Variants in CLYBL observed in about 807,000 individuals in gnomAD.
CLYBL encodes citramalyl-CoA lyase, also known as citramalyl-CoA lyase, mitochondrial.
A neutral mutation model predicts 38.9 loss-of-function variants in CLYBL; 31 were observed. The observed-to-expected ratio is 0.80, with a 90% CI of 0.60 to 1.08. CLYBL has a LOEUF of 1.08. CLYBL is among the 50% of genes least tolerant of loss of function. The pLI is 0.00. For synonymous variants in CLYBL, 171 were observed against 158.6 expected, an observed-to-expected ratio of 1.08 and a Z score of -0.59; for missense variants, 434 against 411.6, an observed-to-expected ratio of 1.05 and a Z score of -0.47.
chr13:99,701,553 T>C (rs2048066277), intron 1 of CLYBL, among the ~76,000 whole-genome samples: 2 of 152,148 alleles, frequency 1.3e-5, no homozygotes, highest in Non-Finnish European at 1.5e-5. Context: ...CCTCGTGATC[T>C]GCCTGCCTCG....
chr13:99,753,675 G>A (rs756092243), intron 1 of CLYBL, among the ~76,000 whole-genome samples: 1 of 152,094 alleles, frequency 6.6e-6, no homozygotes, highest in Non-Finnish European at 1.5e-5. Flanking sequence ...TATTTTAGTG[G>A]CAATCTCTTT....
intron 1 of CLYBL, among the ~76,000 whole-genome samples, chr13:99,683,287 G>A (rs1321905137): frequency 6.7e-6 from 1 of 149,240 alleles, no homozygotes; most frequent in Non-Finnish European, 1.5e-5. Flanking sequence ...TCACCATTTT[G>A]GCCAGGCTGG....
chr13:99,675,315 A>ATATATGTATATACTT (rs2047627655), intron 1 of CLYBL, among the ~76,000 whole-genome samples: 1 of 99,186 alleles, frequency 1.0e-5, no homozygotes, highest in South Asian at 4.1e-4. Flanking sequence ...TGTATGCCCT[A>ATATATGTATATACTT]TATGTGTATA....
In CLYBL at chr13:99,666,527, ATTG is replaced by A. The variant is rs1237751696; in HGVS notation, c.62+59773_62+59775del. ...GTAGGTTTTTTCCCCCCTTTCTTAA[ATTG>A]TTATTTCGAGCCAGTCAGCCTACTG... On this transcript the variant is annotated intron_variant, in intron 1 of 8. Coordinates refer to ENST00000339105, the MANE Select transcript of CLYBL (RefSeq NM_206808.5). 4.6e-5 allele frequency among the ~76,000 whole-genome samples: 7 copies of A among 152,050 alleles called. No individual in the cohort carries two copies. In the South Asian group the frequency reaches 1.5e-3, roughly 32 times the overall value.
intron 1 of CLYBL, among the ~76,000 whole-genome samples, chr13:99,728,185 G>A (rs1453872589): frequency 3.3e-5 from 5 of 152,084 alleles, no homozygotes; most frequent in Non-Finnish European, 7.4e-5. Flanking sequence ...TGGTGGGGGG[G>A]ATTACAGGTG....
At chr13:99,665,284 GT>G (rs1211774416) in intron 1 of CLYBL, among the ~76,000 whole-genome samples, 1 of 151,632 alleles carries the variant, frequency 6.6e-6, no homozygotes, top group Non-Finnish European at 1.5e-5. Context: ...GCAGTCCAAA[GT>G]GCTAAAGGTT....
chr13:99,892,277 T>C (rs940303669), intron 8 of CLYBL, 166 bp from the exon 9 acceptor site: 6 of 152,222 alleles, frequency 3.9e-5, no homozygotes, highest in African/African-American at 1.4e-4. Flanking sequence ...ATGTGGCCCC[T>C]GCGAGATTTG....
At chr13:99,699,692 CA>C (rs543597111) in intron 1 of CLYBL, among the ~76,000 whole-genome samples, 31 of 108,470 alleles carry the variant, frequency 2.9e-4, no homozygotes, top group Admixed American at 3.6e-4. Context: ...GACTCCGTCT[CA>C]AAAAAAAAAA....
intron 2 of CLYBL, among the ~76,000 whole-genome samples, chr13:99,781,963 G>A (rs571735958): frequency 3.9e-5 from 6 of 152,198 alleles, no homozygotes; most frequent in Admixed American, 1.3e-4. Flanking sequence ...TATTTCTCTC[G>A]CACTGTATGC....
At chr13:99,783,448 T>C (rs1170447866) in intron 2 of CLYBL, among the ~76,000 whole-genome samples, 1 of 113,648 alleles carries the variant, frequency 8.8e-6, no homozygotes, top group Non-Finnish European at 1.7e-5. Flanking sequence ...ATAAATTCAG[T>C]ACTTTGGGGT....
At position 99,863,016 on chromosome 13, in the gene CLYBL, TA is replaced by T. The variant is rs1314883072; in HGVS notation, c.468del (p.Gly157AlafsTer8). The T allele has an allele frequency of 1.2e-6, 2 of 1,610,804 alleles. No individual in the cohort carries two copies. Among genetic ancestry groups the T allele is most frequent in the Non-Finnish European group, 8.5e-7 (1 of 1,178,400 alleles). ...QWFADKFSFH[L>X]KGRKLEQPMN... The stretch of plus-strand genomic sequence containing the variant: ...TTTGCAGACAAATTTTCATTCCACT[TA>T]AAAGGCCGAAAACTTGAACAACCAA... On this transcript the variant is annotated frameshift_variant, in exon 4 of 9. Coordinates refer to ENST00000339105, the MANE Select transcript of CLYBL (RefSeq NM_206808.5). LOFTEE classifies it high-confidence loss of function.
chr13:99,737,343 G>A (rs1225113213), intron 1 of CLYBL, among the ~76,000 whole-genome samples: 1 of 152,328 alleles, frequency 6.6e-6, no homozygotes, highest in Admixed American at 6.5e-5. Context: ...TGGGCTTCCT[G>A]TGCACGAGGT....
intron 2 of CLYBL, among the ~76,000 whole-genome samples, chr13:99,781,210 A>G (rs1423547661): frequency 1.3e-5 from 2 of 150,856 alleles, no homozygotes; most frequent in East Asian, 3.9e-4. Flanking sequence ...TCGCTGTGTC[A>G]CGCAGGCTGG....
intron 1 of CLYBL, among the ~76,000 whole-genome samples, chr13:99,656,242 A>T (rs2139316701): frequency 6.6e-6 from 1 of 152,198 alleles, no homozygotes; most frequent in East Asian, 1.9e-4. Flanking sequence ...GAACCCCCAG[A>T]CCTTAGGGTG....
At chr13:99,827,344 C>T (rs1309475296) in intron 2 of CLYBL, among the ~76,000 whole-genome samples, 3 of 152,248 alleles carry the variant, frequency 2.0e-5, no homozygotes, top group South Asian at 4.1e-4. Context: ...AAGGACCTGG[C>T]GCCACTGAGC....
In CLYBL at chr13:99,675,378, G is replaced by A. The variant is rs931005987; in HGVS notation, c.62+68621G>A. ...TGAGATATAATTTACATCTCATACA[G>A]TTCACCTATTTAAAGTATACAGTTC... On this transcript the variant is annotated intron_variant, in intron 1 of 8. Coordinates refer to ENST00000339105, the MANE Select transcript of CLYBL (RefSeq NM_206808.5). 4.5e-4 allele frequency among the ~76,000 whole-genome samples: 69 copies of A among 152,130 alleles called. 1 individual carries two copies. The highest frequency in any genetic ancestry group is 1.3e-3 in the African/African-American group (55 of 41,488).
intron 7 of CLYBL, among the ~76,000 whole-genome samples, chr13:99,884,719 T>A (rs1234056771): frequency 2.0e-5 from 3 of 152,170 alleles, no homozygotes; most frequent in Non-Finnish European, 4.4e-5. Flanking sequence ...TGCATCCATG[T>A]CAATGCAGGG....
chr13:99,619,321 AAGCAGAGAGC>A (rs1227957082), intron 1 of CLYBL, among the ~76,000 whole-genome samples: 3 of 152,156 alleles, frequency 2.0e-5, no homozygotes, highest in Non-Finnish European at 4.4e-5. Flanking sequence ...GCCATATTGG[AAGCAGAGAGC>A]AGCCCTCTGT....
chr13:99,678,064 C>A (rs183322189), intron 1 of CLYBL, among the ~76,000 whole-genome samples: 1 of 152,184 alleles, frequency 6.6e-6, no homozygotes, highest in Non-Finnish European at 1.5e-5. Flanking sequence ...TACATTTGCG[C>A]GTGTTTTCCA....
Sources: allele counts gnomAD v4.1 joint callset (sites outside exome capture counted in the v4.1 genomes callset), GRCh38; gene constraint gnomAD v4.1.1; transcripts MANE v1.5; gene names NCBI Gene and HGNC (gene_info 2026-07-23, HGNC 2026-07-21).